The following EPHA6 variants were observed in gnomAD, a reference collection of about 807,000 sequenced individuals.
The protein encoded by EPHA6 is EPH receptor A6.
A neutral mutation model predicts 112.0 loss-of-function variants in EPHA6; 50 were observed. The observed-to-expected ratio is 0.45, with a 90% CI of 0.36 to 0.56. The LOEUF is 0.56. Ranked by LOEUF, EPHA6 falls within the 20% of genes least tolerant of loss-of-function variation. EPHA6 has a pLI of 0.00. For missense variants in EPHA6, 1,280 were observed against 1,417.4 expected (o/e 0.90, Z 1.56); for synonymous variants, 529 against 490.7 (o/e 1.08, Z -1.03).
chr3:97,407,240 T>G (rs957383978), intron 6 of EPHA6, among the ~76,000 whole-genome samples: 1 of 151,972 alleles, frequency 6.6e-6, no homozygotes, highest in Non-Finnish European at 1.5e-5. Context: ...GTTCTAGCTA[T>G]TGTCAAATGC....
chr3:97,409,931 C>T (rs1278940377), intron 6 of EPHA6, among the ~76,000 whole-genome samples: 1 of 151,878 alleles, frequency 6.6e-6, no homozygotes, highest in African/African-American at 2.4e-5. Flanking sequence ...AGTGTTTCAC[C>T]TAGTTCACAG....
chr3:97,227,337 C>T (rs928855091), intron 4 of EPHA6, among the ~76,000 whole-genome samples: 2 of 151,834 alleles, frequency 1.3e-5, no homozygotes, highest in Non-Finnish European at 2.9e-5. Context: ...TCTCCTGCCT[C>T]AGCTTCCTGA....
At chr3:97,642,300 C>T (rs900995201) in intron 14 of EPHA6, among the ~76,000 whole-genome samples, 3 of 104,224 alleles carry the variant, frequency 2.9e-5, no homozygotes, top group African/African-American at 1.2e-4. Context: ...ACATCACCAT[C>T]ATCAAAGACC....
chr3:97,125,573 A>G (rs1252422223), intron 3 of EPHA6, among the ~76,000 whole-genome samples: 1 of 152,184 alleles, frequency 6.6e-6, no homozygotes, highest in African/African-American at 2.4e-5. Context: ...GTTAACAATT[A>G]AAGCAGATTA....
chr3:97,161,384 C>A (rs2076411624), intron 3 of EPHA6, among the ~76,000 whole-genome samples: 1 of 152,136 alleles, frequency 6.6e-6, no homozygotes, highest in Non-Finnish European at 1.5e-5. Flanking sequence ...AAACAGCTTC[C>A]ACTACCACTA....
intron 3 of EPHA6, among the ~76,000 whole-genome samples, chr3:97,211,261 A>G (rs79280648): frequency 0.013 from 2,022 of 152,260 alleles, 41 homozygotes; most frequent in African/African-American, 0.044. Context: ...ATTATTTAAT[A>G]TTACTTAGCT....
At chr3:97,564,320 T>C (rs2093231642) in intron 11 of EPHA6, among the ~76,000 whole-genome samples, 1 of 152,184 alleles carries the variant, frequency 6.6e-6, no homozygotes, top group Non-Finnish European at 1.5e-5. Flanking sequence ...GACCTTTTCA[T>C]TGTTGTTTAA....
intron 5 of EPHA6, among the ~76,000 whole-genome samples, chr3:97,351,604 A>C (rs1282570659): frequency 6.6e-6 from 1 of 152,186 alleles, no homozygotes; most frequent in African/African-American, 2.4e-5. Flanking sequence ...ATAACTCATA[A>C]TTTTCAATAA....
chr3:96,982,902 G>T (rs984473036), intron 2 of EPHA6, among the ~76,000 whole-genome samples: 6 of 151,978 alleles, frequency 3.9e-5, no homozygotes, highest in Non-Finnish European at 7.4e-5. Flanking sequence ...TTTTCCATTT[G>T]CTTGGTAGAT....
At chr3:97,494,965 C>G (rs1264899640) in intron 10 of EPHA6, among the ~76,000 whole-genome samples, 1 of 152,146 alleles carries the variant, frequency 6.6e-6, no homozygotes, top group African/African-American at 2.4e-5. Context: ...GAGTTTTTCT[C>G]TAAGTCTTTT....
At chr3:97,118,240 A>G (rs1043963015) in intron 3 of EPHA6, among the ~76,000 whole-genome samples, 4 of 151,738 alleles carry the variant, frequency 2.6e-5, no homozygotes, top group Non-Finnish European at 4.4e-5. Context: ...AGAATGCTAT[A>G]TAATCTGTGT....
At chr3:97,739,468 G>A (rs528458187) in intron 16 of EPHA6, among the ~76,000 whole-genome samples, 32 of 152,030 alleles carry the variant, frequency 2.1e-4, no homozygotes, top group Admixed American at 5.9e-4. Context: ...GATGAGGAAG[G>A]CCATGAAATC....
intron 3 of EPHA6, among the ~76,000 whole-genome samples, chr3:97,122,170 T>C (rs895074111): frequency 1.3e-5 from 2 of 152,072 alleles, no homozygotes; most frequent in African/African-American, 2.4e-5. Context: ...CACAAAGCCA[T>C]GTTACATATT....
intron 5 of EPHA6, among the ~76,000 whole-genome samples, chr3:97,356,575 T>C (rs968939383): frequency 6.6e-6 from 1 of 152,234 alleles, no homozygotes; most frequent in African/African-American, 2.4e-5. Context: ...CTTTAGAGTG[T>C]GGTGTTTAAT....
intron 5 of EPHA6, among the ~76,000 whole-genome samples, chr3:97,373,592 T>C (rs1257878246): frequency 6.6e-6 from 1 of 152,152 alleles, no homozygotes; most frequent in Non-Finnish European, 1.5e-5. Context: ...TTTGAATTCA[T>C]CAGCCATAAA....
At chr3:97,626,128 G>GT (rs946426278) in intron 13 of EPHA6, among the ~76,000 whole-genome samples, 4 of 151,690 alleles carry the variant, frequency 2.6e-5, no homozygotes, top group Admixed American at 6.6e-5. Context: ...TTCTACTACT[G>GT]TTTTTTTAAG....
chr3:96,951,001 C>CT (rs11457456), intron 2 of EPHA6, among the ~76,000 whole-genome samples: 2,766 of 150,474 alleles, frequency 0.018, 67 homozygotes, highest in African/African-American at 0.05. Context: ...GACTTCTTTG[C>CT]TTTTTTTTTA....
intron 2 of EPHA6, among the ~76,000 whole-genome samples, chr3:96,933,282 G>A (rs181907254): frequency 6.6e-6 from 1 of 152,216 alleles, no homozygotes; most frequent in African/African-American, 2.4e-5. Context: ...AAGAAAGTAG[G>A]TGATTAAAAT....
At chr3:97,628,194 T>A (rs1349052868) in intron 13 of EPHA6, among the ~76,000 whole-genome samples, 2 of 151,992 alleles carry the variant, frequency 1.3e-5, no homozygotes, top group African/African-American at 4.8e-5. Context: ...TAAACTAGGA[T>A]CGTTGCAGTA....
Sources: gnomAD v4.1 joint callset for allele counts (sites outside exome capture counted in the v4.1 genomes callset) on GRCh38, gnomAD v4.1.1 for gene constraint, MANE v1.5 for transcripts, NCBI Gene and HGNC (gene_info 2026-07-23, HGNC 2026-07-21) for gene names.